EBAG9: variants seen among roughly 807,000 people sequenced by gnomAD.
EBAG9 encodes the protein estrogen receptor binding site associated antigen 9.
In EBAG9, 16 loss-of-function variants were observed where a neutral mutation model predicts 30.9. The ratio of observed to expected loss-of-function variants is 0.52; its 90% CI spans 0.35 to 0.79. The LOEUF (loss-of-function observed/expected upper bound fraction) is 0.79. Ranked by LOEUF, EBAG9 falls within the 30% of genes least tolerant of loss-of-function variation. The probability of loss-of-function intolerance (pLI) is 0.01; values close to 1 mark genes in which losing one functional copy is unlikely to be tolerated. For synonymous variants in EBAG9, 93 were observed against 82.8 expected (o/e 1.12, Z -0.67); for missense variants, 197 against 242.1 (o/e 0.81, Z 1.24).
In EBAG9 at chr8:109,554,890, A is replaced by G. The variant is rs1187252080; in HGVS notation, c.321+3A>G. 1.2e-6 allele frequency: 2 copies of G among 1,612,012 alleles called. No homozygotes were observed. Among genetic ancestry groups the G allele is most frequent in the South Asian group, 1.1e-5 (1 of 90,772 alleles). On this transcript the variant is annotated splice_donor_region_variant and intron_variant, in intron 4 of 6. Transcript: ENST00000337573. ...CAACTATTAGGAAAACTCAGAAAGT[A>G]TGTTAAGATTTATGCTTTTGGAGAT... is the stretch of plus-strand genomic sequence containing the variant.
At position 109,554,793 on chromosome 8, in the gene EBAG9, G is replaced by A; in HGVS notation, c.227G>A (p.Gly76Glu). 1 of 1,613,752 alleles carries A rather than the reference G, an allele frequency of 6.2e-7. No individual in the cohort carries two copies. Among genetic ancestry groups the A allele is most frequent in the Non-Finnish European group, 8.5e-7 (1 of 1,179,812 alleles). Reference sequence around the variant, plus strand: ...CCCACCAGTGTAAAGATCGAAGGAGGGAATGGGAATGTGGCAACACAACAA... The same window carrying A: ...CCCACCAGTGTAAAGATCGAAGGAGAGAATGGGAATGTGGCAACACAACAA... ...DAPTSVKIEG[G>E]NGNVATQQNS... Residue 76 changes from glycine to glutamate, a missense_variant, in exon 4 of 7, where the codon GGG becomes GAG. Physicochemically the swap from Gly to Glu is moderately conservative, Grantham distance 98. Coordinates refer to ENST00000337573, the MANE Select transcript of EBAG9 (RefSeq NM_004215.5).
intron 1 of EBAG9, among the ~76,000 whole-genome samples, chr8:109,547,169 G>C (rs1821401069): frequency 6.6e-6 from 1 of 152,036 alleles, no homozygotes; most frequent in Non-Finnish European, 1.5e-5. Flanking sequence ...TCTTTATATG[G>C]CTATATACTT....
chr8:109,542,928 G>C (rs968613793), intron 1 of EBAG9, among the ~76,000 whole-genome samples: 1 of 152,016 alleles, frequency 6.6e-6, no homozygotes, highest in Non-Finnish European at 1.5e-5. Flanking sequence ...GGTAGTAAAG[G>C]CTTATGCTAG....
At chr8:109,553,588 A>T (rs893398661) in intron 2 of EBAG9, among the ~76,000 whole-genome samples, 7 of 152,152 alleles carry the variant, frequency 4.6e-5, no homozygotes, top group Non-Finnish European at 7.4e-5. Context: ...TTGCATTTTT[A>T]TTTTTGACTT....
chr8:109,545,970 G>A (rs1356547618), intron 1 of EBAG9, among the ~76,000 whole-genome samples: 1 of 152,196 alleles, frequency 6.6e-6, no homozygotes, highest in Non-Finnish European at 1.5e-5. Flanking sequence ...AGCATTGAAT[G>A]AGTATTACAT....
rs1405563386 is a variant in EBAG9, at chr8:109,565,120, T to C, written c.*561T>C. 1 of 152,496 alleles carries C rather than the reference T, an allele frequency of 6.6e-6. No individual in the cohort carries two copies. Among genetic ancestry groups the C allele is most frequent in the Non-Finnish European group, 1.5e-5 (1 of 67,970 alleles). 9.4% of individuals were successfully genotyped at this position (152,496 alleles called of 1,614,324 possible). ...CATTAAGGAATTTGATGATTTTCAT[T>C]TCATGAAAATGACATTAAATGCAAT... On this transcript the variant is annotated 3_prime_UTR_variant, in exon 7 of 7. Transcript: ENST00000337573.
At chr8:109,548,409 C>G (rs773797883) in intron 1 of EBAG9, among the ~76,000 whole-genome samples, 7 of 152,080 alleles carry the variant, frequency 4.6e-5, no homozygotes, top group Admixed American at 1.3e-4. Context: ...AGTCTTGAAA[C>G]CAGATAGTGC....
intron 5 of EBAG9, among the ~76,000 whole-genome samples, chr8:109,558,358 A>T (rs1459639126): frequency 6.6e-6 from 1 of 152,200 alleles, no homozygotes; most frequent in Non-Finnish European, 1.5e-5. Flanking sequence ...ACAAACTTTG[A>T]TAATTCCTAT....
chr8:109,558,384 T>C (rs1447171685), intron 5 of EBAG9, among the ~76,000 whole-genome samples: 5 of 152,178 alleles, frequency 3.3e-5, no homozygotes, highest in Admixed American at 3.3e-4. Flanking sequence ...TACACGATGC[T>C]ATGAACACAT....
intron 3 of EBAG9, among the ~76,000 whole-genome samples, chr8:109,554,221 A>G (rs1304993848): frequency 3.9e-5 from 6 of 152,226 alleles, no homozygotes. Flanking sequence ...AGAGAATTCC[A>G]ACATATCATT....
chr8:109,560,732 G>A (rs1439434241), intron 5 of EBAG9, 106 bp from the exon 6 acceptor site: 6 of 766,248 alleles, frequency 7.8e-6, no homozygotes, highest in Admixed American at 2.4e-5. Flanking sequence ...GAAGACATAG[G>A]AGAATGACAG....
chr8:109,558,616 A>T (rs924347439), intron 5 of EBAG9, among the ~76,000 whole-genome samples: 1 of 152,040 alleles, frequency 6.6e-6, no homozygotes, highest in Non-Finnish European at 1.5e-5. Context: ...GAGAAGGGGT[A>T]AATAGGGTAG....
At chr8:109,542,999 T>C (rs1293648070) in intron 1 of EBAG9, among the ~76,000 whole-genome samples, 2 of 152,096 alleles carry the variant, frequency 1.3e-5, no homozygotes, top group East Asian at 3.9e-4. Context: ...ATAGGGTCTT[T>C]TTGGCAATTA....
chr8:109,561,060 C>T, intron 6 of EBAG9, 131 bp downstream of exon 6: 4 of 587,416 alleles, frequency 6.8e-6, no homozygotes, highest in East Asian at 3.5e-5. Context: ...ATAATAAGGA[C>T]TTTTTTTTTT....
At chr8:109,560,381 T>C (rs887449703) in intron 5 of EBAG9, among the ~76,000 whole-genome samples, 1 of 152,214 alleles carries the variant, frequency 6.6e-6, no homozygotes, top group African/African-American at 2.4e-5. Context: ...AAATGAAGAA[T>C]GACTGTGCTA....
intron 1 of EBAG9, among the ~76,000 whole-genome samples, chr8:109,549,590 A>G (rs892621350): frequency 6.6e-6 from 1 of 151,998 alleles, no homozygotes; most frequent in Admixed American, 6.6e-5. Flanking sequence ...ATGCTTTAGT[A>G]ATTTGTGTCT....
chr8:109,557,244 T>C (rs1334630716), intron 5 of EBAG9, among the ~76,000 whole-genome samples: 4 of 152,186 alleles, frequency 2.6e-5, no homozygotes, highest in Admixed American at 6.5e-5. Flanking sequence ...GATACTAAGA[T>C]CAAGGTCTCA....
upstream of EBAG9, chr8:109,539,911 GA>G: frequency 6.6e-6 from 1 of 152,332 alleles, no homozygotes; most frequent in Non-Finnish European, 1.5e-5. Flanking sequence ...CGGGGAGGGG[GA>G]GGGGCAGGTG....
intron 4 of EBAG9, among the ~76,000 whole-genome samples, chr8:109,555,988 A>G (rs1821590420): frequency 6.6e-6 from 1 of 152,076 alleles, no homozygotes; most frequent in African/African-American, 2.4e-5. Context: ...TTATATTGCC[A>G]TTTCTTGTTT....
Sources: gnomAD v4.1 joint callset for allele counts (sites outside exome capture counted in the v4.1 genomes callset) on GRCh38, gnomAD v4.1.1 for gene constraint, MANE v1.5 for transcripts, NCBI Gene and HGNC (gene_info 2026-07-23, HGNC 2026-07-21) for gene names.